PIKFYVE: variants seen among roughly 807,000 people sequenced by gnomAD.
PIKFYVE encodes phosphoinositide kinase, FYVE-type zinc finger containing.
A neutral mutation model predicts 257.9 loss-of-function variants in PIKFYVE; 122 were observed. That is an observed-to-expected ratio of 0.47 (90% CI 0.41 to 0.55). PIKFYVE has a LOEUF of 0.55. Ranked by LOEUF, PIKFYVE falls within the 20% of genes least tolerant of loss-of-function variation. PIKFYVE has a pLI of 0.00. For missense variants in PIKFYVE, 2,160 were observed against 2,536.6 expected, an observed-to-expected ratio of 0.85 and a Z score of 3.19; for synonymous variants, 892 against 868.9, an observed-to-expected ratio of 1.03 and a Z score of -0.47.
At chr2:208,308,488 C>G (rs182841394) in intron 12 of PIKFYVE, among the ~76,000 whole-genome samples, 87 of 152,012 alleles carry the variant, frequency 5.7e-4, no homozygotes, top group African/African-American at 2.0e-3. Context: ...ATACAATACA[C>G]TATTATTAAC....
chr2:208,307,794 A>G, intron 12 of PIKFYVE, among the ~76,000 whole-genome samples: 1 of 152,184 alleles, frequency 6.6e-6, no homozygotes, highest in Non-Finnish European at 1.5e-5. Flanking sequence ...AATAGATACT[A>G]TCTTTGTTGA....
Position 208,276,701 on chromosome 2 carries a change from A to C in PIKFYVE, c.323-11A>C, listed in dbSNP as rs1405988865. ...TGTTAACAAGGTTGCTTTTTTTTTAATCCAACTCAGACACAAGAAGGAAAG... is the reference window on the plus strand; with the variant it reads ...TGTTAACAAGGTTGCTTTTTTTTTACTCCAACTCAGACACAAGAAGGAAAG... On this transcript the variant is annotated splice_polypyrimidine_tract_variant and intron_variant, in intron 3 of 41. Transcript: ENST00000264380. The C allele has an allele frequency of 6.2e-7, 1 of 1,606,362 alleles. No homozygotes were observed. The highest frequency in any genetic ancestry group is 8.5e-7 in the Non-Finnish European group (1 of 1,173,150).
At chr2:208,288,354 A>T (rs551751003) in intron 6 of PIKFYVE, among the ~76,000 whole-genome samples, 1 of 152,260 alleles carries the variant, frequency 6.6e-6, no homozygotes, top group Non-Finnish European at 1.5e-5. Flanking sequence ...GTCTGACTCT[A>T]TGGTGCTATT....
chr2:208,296,107 C>A (rs1272862592), intron 7 of PIKFYVE, among the ~76,000 whole-genome samples: 1 of 151,926 alleles, frequency 6.6e-6, no homozygotes, highest in African/African-American at 2.4e-5. Flanking sequence ...TAGGTTCAAG[C>A]AATTCTTGTG....
intron 12 of PIKFYVE, among the ~76,000 whole-genome samples, chr2:208,311,119 A>T (rs1694890429): frequency 6.6e-6 from 1 of 152,048 alleles, no homozygotes; most frequent in Admixed American, 6.6e-5. Flanking sequence ...GTAGGTTTGA[A>T]TTTTTTTCAT....
chr2:208,274,608 G>A (rs990781634), intron 3 of PIKFYVE, among the ~76,000 whole-genome samples: 2 of 152,186 alleles, frequency 1.3e-5, no homozygotes. Flanking sequence ...GTTTCTACCC[G>A]AGGACTGGCA....
At chr2:208,319,113 T>C (rs2125511581) in intron 16 of PIKFYVE, among the ~76,000 whole-genome samples, 1 of 152,330 alleles carries the variant, frequency 6.6e-6, no homozygotes, top group African/African-American at 2.4e-5. Context: ...CTGGCCCCAC[T>C]TCTGGGGATA....
At position 208,342,587 on chromosome 2, in the gene PIKFYVE, T is replaced by C. The variant is rs1334658037; in HGVS notation, c.4965T>C (p.His1655=). The C allele has an allele frequency of 6.2e-7, 1 of 1,614,018 alleles. No individual in the cohort carries two copies. The highest frequency in any genetic ancestry group is 1.7e-5 in the Admixed American group (1 of 60,010). The part of the protein sequence containing the change: ...DPDKHYLMYE[H]ERVPIAVCEK... ...ATAAACACTACTTAATGTATGAACA[T>C]GAACGAGTGCCCATTGCAGTCTGCG... Residue 1655 remains histidine, a synonymous_variant, in exon 32 of 42, where the codon CAT becomes CAC. Transcript: ENST00000264380.
intron 18 of PIKFYVE, 102 bp from the exon 19 acceptor site, chr2:208,324,809 G>A (rs1696725470): frequency 7.3e-7 from 1 of 1,374,374 alleles, no homozygotes. Context: ...AAGGAAATTT[G>A]TGAATGTTAT....
At chr2:208,330,833 C>T in intron 23 of PIKFYVE, 139 bp downstream of exon 23, 2 of 842,586 alleles carry the variant, frequency 2.4e-6, no homozygotes, top group South Asian at 3.5e-5. Context: ...GTTATTTTAC[C>T]TTCCAGTGCT....
Position 208,273,635 on chromosome 2 carries a change from C to T in PIKFYVE, c.224C>T (p.Thr75Ile). Residue 75 changes from threonine (T) to isoleucine (I), a missense_variant, in exon 3 of 42, where the codon ACC becomes ATC. By Grantham distance (89) the Thr-to-Ile change is moderately conservative (BLOSUM62 -1). Coordinates refer to ENST00000264380, the MANE Select transcript of PIKFYVE (RefSeq NM_015040.4). ...CAGCAGCCTTTGAGTGGAAGTTGGACCAGCCCTCAGCTCCCTTCGAGGACA... is the reference window on the plus strand; with the variant it reads ...CAGCAGCCTTTGAGTGGAAGTTGGATCAGCCCTCAGCTCCCTTCGAGGACA... ...GEQQPLSGSW[T>I]SPQLPSRTQS... The T allele has an allele frequency of 1.2e-6, 2 of 1,614,110 alleles. No individual in the cohort carries two copies. The highest frequency in any genetic ancestry group is 2.2e-5 in the East Asian group (1 of 44,874).
At chr2:208,311,342 A>G (rs528813359) in intron 12 of PIKFYVE, among the ~76,000 whole-genome samples, 1 of 152,338 alleles carries the variant, frequency 6.6e-6, no homozygotes, top group South Asian at 2.1e-4. Flanking sequence ...TGAACTTTCT[A>G]AATAAAATAT....
chr2:208,325,036 T>A lies in PIKFYVE; in HGVS notation c.2457T>A (p.Asn819Lys). ...ATATGCAGATATTTCAGTTGCCTAA[T>A]GGTGAGTGATCTTTAGCATAGATTG... is the stretch of plus-strand genomic sequence containing the variant. The part of the protein sequence containing the change: ...KFYMQIFQLP[N>K]EQTKTLMFFE... The change falls in exon 19 of 42, where the codon AAT (asparagine) becomes AAA (lysine). Residue 819 changes from asparagine (N) to lysine (K), a missense_variant and splice_region_variant. Asn to Lys is a moderately conservative substitution (Grantham distance 94). Around this residue, in one of 12 missense-constraint regions of PIKFYVE, gnomAD observed 522 missense variants for 514.6 expected, o/e 1.01. Transcript: ENST00000264380. 1 of 1,614,132 alleles carries A rather than the reference T, an allele frequency of 6.2e-7. No homozygotes were observed.
chr2:208,346,004 G>C (rs1040750488), intron 33 of PIKFYVE, 46 bp from the exon 34 acceptor site: 5 of 1,412,486 alleles, frequency 3.5e-6, no homozygotes, highest in Non-Finnish European at 5.0e-6. Flanking sequence ...TTTTCTGTTT[G>C]ACTTGTATAA....
At chr2:208,281,988 C>G (rs1690877938) in intron 5 of PIKFYVE, among the ~76,000 whole-genome samples, 1 of 152,182 alleles carries the variant, frequency 6.6e-6, no homozygotes, top group South Asian at 2.1e-4. Context: ...AGTTCTTGAG[C>G]TGGGAATTTG....
Position 208,312,218 on chromosome 2 carries a change from T to TGTC in PIKFYVE, c.1637-17_1637-15dup. ...CTCTACTTTTGTTCCTCCTCTCTGT[T>TGTC]GTCTCCCTGGTATGCAGAGTATTTG... On this transcript the variant is annotated splice_polypyrimidine_tract_variant and intron_variant, in intron 12 of 41. Transcript: ENST00000264380. The TGTC allele has an allele frequency of 6.3e-7, 1 of 1,596,214 alleles. No homozygotes were observed. The highest frequency in any genetic ancestry group is 8.6e-7 in the Non-Finnish European group (1 of 1,164,368).
intron 1 of PIKFYVE, among the ~76,000 whole-genome samples, chr2:208,270,110 C>G (rs562766557): frequency 2.1e-5 from 3 of 140,564 alleles, no homozygotes; most frequent in Non-Finnish European, 4.5e-5. Context: ...GTGGCGTGAT[C>G]GGCTCGCTGT....
intron 20 of PIKFYVE, among the ~76,000 whole-genome samples, chr2:208,326,893 C>T (rs1257857569): frequency 6.6e-6 from 1 of 152,084 alleles, no homozygotes; most frequent in Admixed American, 6.6e-5. Context: ...TGTTATTTAA[C>T]TATGACAGTG....
chr2:208,310,721 T>A (rs1694846987), intron 12 of PIKFYVE, among the ~76,000 whole-genome samples: 1 of 152,106 alleles, frequency 6.6e-6, no homozygotes, highest in Non-Finnish European at 1.5e-5. Context: ...TCTTTTAAAT[T>A]CATGTTATGA....
Sources: allele counts gnomAD v4.1 joint callset (sites outside exome capture counted in the v4.1 genomes callset), GRCh38; gene constraint gnomAD v4.1.1; regional missense constraint gnomAD v4.1.1; transcripts MANE v1.5; gene names NCBI Gene and HGNC (gene_info 2026-07-23, HGNC 2026-07-21).